The following SHISA9 variants were observed in gnomAD, a reference collection of about 807,000 sequenced individuals.
The protein encoded by SHISA9 is protein shisa-9.
In SHISA9, 13 loss-of-function variants were observed where a neutral mutation model predicts 38.0. The ratio of observed to expected loss-of-function variants is 0.34; its 90% CI spans 0.22 to 0.54. The LOEUF (loss-of-function observed/expected upper bound fraction) is 0.54. SHISA9 is among the 20% of genes least tolerant of loss of function. The pLI is 0.91. For synonymous variants in SHISA9, 275 were observed against 242.0 expected, an observed-to-expected ratio of 1.14 and a Z score of -1.27; for missense variants, 538 against 575.8, an observed-to-expected ratio of 0.93 and a Z score of 0.67.
intron 2 of SHISA9, among the ~76,000 whole-genome samples, chr16:13,095,353 G>C (rs1293593395): frequency 6.6e-6 from 1 of 152,238 alleles, no homozygotes; most frequent in Non-Finnish European, 1.5e-5. Context: ...TGTGTTGGCA[G>C]ATCCCCTGCA....
the SHISA9 span, among the ~76,000 whole-genome samples, chr16:13,404,976 C>T: frequency 5.3e-5 from 8 of 152,168 alleles, no homozygotes; most frequent in East Asian, 5.8e-4. Context: ...TCCATTCAAA[C>T]GTTACCTCCT....
Position 12,902,168 on chromosome 16 carries a change from T to C in SHISA9, c.104T>C (p.Leu35Pro), listed in dbSNP as rs1325269689. 2 of 1,504,072 alleles carry C rather than the reference T, an allele frequency of 1.3e-6. No individual in the cohort carries two copies. Among genetic ancestry groups the C allele is most frequent in the Non-Finnish European group, 1.8e-6 (2 of 1,128,270 alleles). The allele number at this position is 1,504,072 out of a possible 1,614,324, so 93.2% of individuals were successfully genotyped here. Residue 35 changes from leucine to proline, a missense_variant, in exon 1 of 5, where the codon CTG becomes CCG. Leu to Pro is a moderately conservative substitution (Grantham distance 98). This residue lies in a region of SHISA9 where 107 missense variants were observed against 103.0 expected (regional missense o/e 1.04). Coordinates refer to ENST00000558583, the MANE Select transcript of SHISA9 (RefSeq NM_001145204.3). ...GCGGGACACGGGCAGCTGGCGCAACTGGGCGGCGTGTTGCTGCTGGCGGGG... is the reference window on the plus strand; with the variant it reads ...GCGGGACACGGGCAGCTGGCGCAACCGGGCGGCGTGTTGCTGCTGGCGGGG... Reference protein sequence around the residue: ...ERAGHGQLAQLGGVLLLAGGN... With the variant: ...ERAGHGQLAQPGGVLLLAGGN...
chr16:12,951,220 C>CAAAAAAAAAAAAAAAAAAAAAAAAAA (rs1567350239), intron 2 of SHISA9, among the ~76,000 whole-genome samples: 1 of 77,686 alleles, frequency 1.3e-5, no homozygotes. Flanking sequence ...GACTCCTTCT[C>CAAAAAAAAAAAAAAAAAAAAAAAAAA]CAAAAAAAAA....
chr16:13,272,735 G>C, the SHISA9 span, among the ~76,000 whole-genome samples: 1 of 152,168 alleles, frequency 6.6e-6, no homozygotes, highest in Non-Finnish European at 1.5e-5. Flanking sequence ...AGAATGCCTT[G>C]GCAGTTGGAA....
intron 3 of SHISA9, among the ~76,000 whole-genome samples, chr16:13,206,859 C>G (rs888836323): frequency 6.6e-6 from 1 of 152,180 alleles, no homozygotes; most frequent in Non-Finnish European, 1.5e-5. Context: ...TTCAAATATA[C>G]TCAGTGTTAC....
chr16:13,506,183 G>A, the SHISA9 span, among the ~76,000 whole-genome samples: 1 of 152,218 alleles, frequency 6.6e-6, no homozygotes, highest in African/African-American at 2.4e-5. Context: ...AAATGAGGGA[G>A]TGGGGAAGAT....
chr16:13,175,443 G>A (rs1197818318), intron 2 of SHISA9, among the ~76,000 whole-genome samples: 2 of 152,144 alleles, frequency 1.3e-5, no homozygotes, highest in Non-Finnish European at 2.9e-5. Context: ...GATGCTATAA[G>A]GAGTAAATGA....
the SHISA9 span, among the ~76,000 whole-genome samples, chr16:13,456,006 C>T: frequency 4.3e-4 from 66 of 152,316 alleles, no homozygotes; most frequent in Middle Eastern, 3.4e-3. Flanking sequence ...GGGCTAAGGA[C>T]TCTCAGGACC....
chr16:13,253,436 C>T, the SHISA9 span, among the ~76,000 whole-genome samples: 145 of 152,186 alleles, frequency 9.5e-4, 2 homozygotes, highest in Admixed American at 9.4e-3. Context: ...AAAGACATAC[C>T]GAAGGCTGGG....
intron 2 of SHISA9, among the ~76,000 whole-genome samples, chr16:13,117,166 G>A (rs1353273105): frequency 6.6e-6 from 1 of 152,104 alleles, no homozygotes; most frequent in African/African-American, 2.4e-5. Flanking sequence ...AGTGGAGACA[G>A]GGTTTCACCA....
At position 13,236,405 on chromosome 16, in the gene SHISA9, AT is replaced by A. The variant is rs1490105887; in HGVS notation, c.*999del. On this transcript the variant is annotated 3_prime_UTR_variant, in exon 5 of 5. Transcript: ENST00000558583. ...TCAGATGAGGATCCAGAAGCCTCTGATTTCTGGGTTTTGCCTCCAAGACCTG... is the reference window on the plus strand; with the variant it reads ...TCAGATGAGGATCCAGAAGCCTCTGATTCTGGGTTTTGCCTCCAAGACCTG... 6.6e-6 allele frequency: 1 copy of A among 151,718 alleles called. No homozygotes were observed. Among genetic ancestry groups the A allele is most frequent in the Non-Finnish European group, 1.5e-5 (1 of 67,970 alleles). The allele number at this position is 151,718 out of a possible 1,614,324, so 9.4% of individuals were successfully genotyped here. A position where few individuals can be genotyped will look rare whatever the true frequency, so the allele number is the denominator to read the frequency against.
the SHISA9 span, among the ~76,000 whole-genome samples, chr16:13,465,894 T>C: frequency 6.6e-6 from 1 of 152,256 alleles, no homozygotes; most frequent in Non-Finnish European, 1.5e-5. Context: ...TTTAGGTACA[T>C]ATTACTTATG....
At chr16:12,968,704 C>T (rs1315581175) in intron 2 of SHISA9, among the ~76,000 whole-genome samples, 2 of 152,132 alleles carry the variant, frequency 1.3e-5, no homozygotes, top group African/African-American at 4.8e-5. Context: ...TGGAAAAGGT[C>T]ATCTGCAAAC....
intron 2 of SHISA9, among the ~76,000 whole-genome samples, chr16:12,977,602 G>A (rs2072181194): frequency 6.6e-6 from 1 of 152,188 alleles, no homozygotes. Context: ...TAAAGAAAAT[G>A]TGGTACCTGT....
chr16:13,004,943 G>GAAAAAAAAAAAA (rs59694628), intron 2 of SHISA9, among the ~76,000 whole-genome samples: 37 of 103,610 alleles, frequency 3.6e-4, no homozygotes, highest in East Asian at 1.4e-3. Context: ...TTAAGAAAAA[G>GAAAAAAAAAAAA]AAAAAAAAAA....
intron 2 of SHISA9, among the ~76,000 whole-genome samples, chr16:13,030,097 T>A (rs2072973081): frequency 2.6e-5 from 4 of 152,238 alleles, no homozygotes; most frequent in Admixed American, 2.6e-4. Context: ...TTATAATTAC[T>A]GTTTTTAGAA....
intron 2 of SHISA9, 111 bp from the exon 3 acceptor site, chr16:13,203,283 G>C: frequency 9.2e-7 from 1 of 1,082,770 alleles, no homozygotes; most frequent in Non-Finnish European, 1.2e-6. Flanking sequence ...TTTGCGACTT[G>C]CGTCCCTAAA....
intron 2 of SHISA9, among the ~76,000 whole-genome samples, chr16:13,177,891 A>G (rs1032041764): frequency 1.3e-5 from 2 of 152,076 alleles, no homozygotes; most frequent in African/African-American, 2.4e-5. Flanking sequence ...GCTGATCTGA[A>G]ACCCCTGACC....
chr16:13,386,115 A>T, the SHISA9 span, among the ~76,000 whole-genome samples: 2 of 152,202 alleles, frequency 1.3e-5, no homozygotes, highest in Non-Finnish European at 2.9e-5. Flanking sequence ...ATAGAGCTAA[A>T]TAGACACACA....
Sources: gnomAD v4.1 joint callset for allele counts (sites outside exome capture counted in the v4.1 genomes callset) on GRCh38, gnomAD v4.1.1 for gene constraint, gnomAD v4.1.1 regional missense constraint, MANE v1.5 for transcripts, NCBI Gene and HGNC (gene_info 2026-07-23, HGNC 2026-07-21) for gene names.